ADGRL4: variants seen among roughly 807,000 people sequenced by gnomAD.
ADGRL4 encodes the protein EGF, latrophilin and seven transmembrane domain containing 1.
ADGRL4 carries 90 observed loss-of-function variants against 74.8 expected under a neutral mutation model. The ratio of observed to expected loss-of-function variants is 1.20; its 90% CI spans 1.02 to 1.43. The LOEUF is 1.43. Among genes scored for constraint, ADGRL4 ranks in the 40% most tolerant of loss-of-function variants. The pLI is 0.00. For synonymous variants in ADGRL4, 311 were observed against 279.2 expected, an observed-to-expected ratio of 1.11 and a Z score of -1.14; for missense variants, 881 against 814.3, an observed-to-expected ratio of 1.08 and a Z score of -1.00.
At chr1:78,899,849 G>A (rs1461709224) in intron 12 of ADGRL4, among the ~76,000 whole-genome samples, 1 of 151,912 alleles carries the variant, frequency 6.6e-6, no homozygotes, top group African/African-American at 2.4e-5. Context: ...AGAAAATTGG[G>A]TGTGTGTAAA....
chr1:78,934,347 C>T (rs1368327382), intron 7 of ADGRL4, among the ~76,000 whole-genome samples: 1 of 152,082 alleles, frequency 6.6e-6, no homozygotes, highest in Middle Eastern at 3.2e-3. Context: ...ACTGGCTAGC[C>T]ATATGCAGAA....
chr1:78,974,996 A>G (rs1650248147), intron 2 of ADGRL4, among the ~76,000 whole-genome samples: 1 of 152,168 alleles, frequency 6.6e-6, no homozygotes, highest in South Asian at 2.1e-4. Context: ...TATTCTGCCT[A>G]TCATAGTTAC....
intron 2 of ADGRL4, among the ~76,000 whole-genome samples, chr1:78,981,668 TAA>T (rs1054448526): frequency 2.0e-4 from 30 of 151,880 alleles, no homozygotes; most frequent in Non-Finnish European, 3.2e-4. Flanking sequence ...CTGAAATGAC[TAA>T]AAATATGGTC....
At chr1:78,950,985 A>G (rs1299786131) in intron 2 of ADGRL4, among the ~76,000 whole-genome samples, 1 of 152,190 alleles carries the variant, frequency 6.6e-6, no homozygotes, top group Non-Finnish European at 1.5e-5. Flanking sequence ...ATAGTCAACC[A>G]TACAGTCATG....
intron 2 of ADGRL4, among the ~76,000 whole-genome samples, chr1:78,975,064 G>A (rs147972630): frequency 1.3e-5 from 2 of 152,222 alleles, no homozygotes; most frequent in African/African-American, 4.8e-5. Flanking sequence ...TAGTGGGCAG[G>A]TAAAATTTTG....
At chr1:78,900,740 C>T (rs893573323) in intron 12 of ADGRL4, among the ~76,000 whole-genome samples, 2 of 152,084 alleles carry the variant, frequency 1.3e-5, no homozygotes, top group African/African-American at 4.8e-5. Flanking sequence ...TTGCAAGTTT[C>T]CCAGCCATGC....
At chr1:78,957,864 T>C (rs1649867219) in intron 2 of ADGRL4, among the ~76,000 whole-genome samples, 1 of 152,198 alleles carries the variant, frequency 6.6e-6, no homozygotes, top group Non-Finnish European at 1.5e-5. Flanking sequence ...GAGAAGTCAA[T>C]GCCTGGCTCC....
chr1:78,945,951 T>C (rs1407329523), intron 3 of ADGRL4, among the ~76,000 whole-genome samples: 1 of 152,200 alleles, frequency 6.6e-6, no homozygotes, highest in African/African-American at 2.4e-5. Flanking sequence ...TATTTTATTA[T>C]TCTAAAGTGT....
intron 12 of ADGRL4, among the ~76,000 whole-genome samples, chr1:78,915,107 C>T (rs1347522070): frequency 2.0e-5 from 3 of 151,852 alleles, no homozygotes; most frequent in East Asian, 1.9e-4. Flanking sequence ...TCCATTTCTC[C>T]GACTTATCTT....
chr1:78,941,293 A>G (rs1313026344), intron 3 of ADGRL4, among the ~76,000 whole-genome samples: 1 of 152,232 alleles, frequency 6.6e-6, no homozygotes, highest in Non-Finnish European at 1.5e-5. Context: ...TCATGAAATC[A>G]ATGAAGTGAG....
intron 1 of ADGRL4, 131 bp from the exon 2 acceptor site, chr1:79,005,350 A>G (rs1650937065): frequency 1.1e-5 from 8 of 735,504 alleles, no homozygotes; most frequent in Non-Finnish European, 1.6e-5. Context: ...AATTTTTCCC[A>G]AGAGAGCACT....
chr1:78,982,490 C>G (rs916238283), intron 2 of ADGRL4, among the ~76,000 whole-genome samples: 1 of 151,890 alleles, frequency 6.6e-6, no homozygotes, highest in Non-Finnish European at 1.5e-5. Context: ...GTAGCACAAC[C>G]ATGTCATCAA....
chr1:78,905,789 A>T lies in ADGRL4; in HGVS notation c.1749+11845T>A, dbSNP rs1648622423. On this transcript the variant is annotated intron_variant, in intron 12 of 14. Transcript: ENST00000370742. Reference sequence around the variant, plus strand: ...AGGGTGAAGGATAGACCCTATATTTAAATCCCAGGTATCTTTAATAACCTT... The same window carrying T: ...AGGGTGAAGGATAGACCCTATATTTTAATCCCAGGTATCTTTAATAACCTT... Among the ~76,000 whole-genome samples the T allele has an allele frequency of 2.6e-5, 4 of 152,064 alleles. No homozygotes were observed. The South Asian group carries it at 8.3e-4, about 31-fold the overall frequency.
chr1:78,918,126 C>T (rs572774337), intron 10 of ADGRL4, 76 bp from the exon 11 acceptor site: 150 of 1,197,326 alleles, frequency 1.3e-4, no homozygotes, highest in African/African-American at 6.4e-4. Context: ...TCTCTACTTT[C>T]GCTGTAAATC....
intron 8 of ADGRL4, among the ~76,000 whole-genome samples, chr1:78,924,672 A>G (rs1021358470): frequency 5.3e-5 from 8 of 152,124 alleles, no homozygotes; most frequent in African/African-American, 1.9e-4. Context: ...AGACAAATTA[A>G]CAATGGATAA....
At chr1:79,005,014 C>T (rs998529181) in intron 2 of ADGRL4, 56 bp downstream of exon 2, 22 of 1,499,394 alleles carry the variant, frequency 1.5e-5, no homozygotes, top group Non-Finnish European at 2.0e-5. Context: ...GAAAAGCAGT[C>T]CCATCAGAAT....
intron 3 of ADGRL4, among the ~76,000 whole-genome samples, chr1:78,943,466 C>T (rs751440345): frequency 3.9e-5 from 6 of 152,154 alleles, no homozygotes; most frequent in Non-Finnish European, 5.9e-5. Flanking sequence ...GCAAAATGAA[C>T]TTATGTGTCG....
intron 2 of ADGRL4, among the ~76,000 whole-genome samples, chr1:78,968,307 G>T (rs535786780): frequency 2.0e-5 from 3 of 152,126 alleles, no homozygotes; most frequent in Middle Eastern, 3.4e-3. Context: ...TTCTTGGAAG[G>T]CCAGAGGGTT....
chr1:78,924,993 G>T (rs1649082638), intron 8 of ADGRL4, among the ~76,000 whole-genome samples: 2 of 152,052 alleles, frequency 1.3e-5, no homozygotes, highest in Admixed American at 1.3e-4. Context: ...AGATGATACA[G>T]TACCAAAGGG....
Sources: allele counts gnomAD v4.1 joint callset (sites outside exome capture counted in the v4.1 genomes callset), GRCh38; gene constraint gnomAD v4.1.1; transcripts MANE v1.5; gene names NCBI Gene and HGNC (gene_info 2026-07-23, HGNC 2026-07-21).